The following PROSER1 variants were observed in gnomAD, a reference collection of about 807,000 sequenced individuals.
PROSER1 encodes proline and serine rich 1, also known as proline and serine-rich protein 1.
Under a neutral mutation model 71.8 loss-of-function variants are expected in PROSER1, and 36 were observed. The observed-to-expected ratio is 0.50, with a 90% CI of 0.38 to 0.66. The LOEUF (loss-of-function observed/expected upper bound fraction) is 0.66, where lower values mean the gene tolerates loss of function less well. PROSER1 is among the 30% of genes least tolerant of loss of function. The pLI, the probability that PROSER1 is intolerant of heterozygous loss-of-function variation, is 0.00. For missense variants in PROSER1, 1,107 were observed against 1,135.0 expected (o/e 0.98, Z 0.35); for synonymous variants, 490 against 452.4 (o/e 1.08, Z -1.06).
At chr13:39,035,192 G>A (rs1395322935) in intron 1 of PROSER1, among the ~76,000 whole-genome samples, 1 of 152,146 alleles carries the variant, frequency 6.6e-6, no homozygotes, top group East Asian at 1.9e-4. Context: ...GGAGAAAATG[G>A]CATTCTAAAT....
chr13:39,029,129 T>C (rs1414232456), intron 4 of PROSER1, 152 bp downstream of exon 4: 5 of 526,574 alleles, frequency 9.5e-6, no homozygotes, highest in Non-Finnish European at 1.6e-5. Flanking sequence ...ATAAGTACAC[T>C]AGATACTTAT....
Position 39,014,278 on chromosome 13 carries a change from T to C in PROSER1, c.974A>G (p.His325Arg), listed in dbSNP as rs1298850519. The C allele has an allele frequency of 6.8e-6, 11 of 1,613,970 alleles. No homozygotes were observed. The East Asian group carries it at 2.5e-4, about 36-fold the overall frequency. Residue 325 changes from histidine to arginine, a missense_variant, in exon 11 of 13, where the codon CAC (histidine) becomes CGC (arginine). Physicochemically the swap from His to Arg is conservative, Grantham distance 29 (BLOSUM62 0). Transcript: ENST00000352251. Reference sequence around the variant, plus strand: ...GTTTGGTATTGATGGCTGAGGTGTGTGAACGGCTGAGGAGACCTGCCCTGG... The same window carrying C: ...GTTTGGTATTGATGGCTGAGGTGTGCGAACGGCTGAGGAGACCTGCCCTGG... ...VFPGQVSSAV[H>R]TPQPSIPNPT...
intron 1 of PROSER1, among the ~76,000 whole-genome samples, chr13:39,036,573 G>A (rs971850422): frequency 1.3e-5 from 2 of 152,152 alleles, no homozygotes; most frequent in Admixed American, 6.5e-5. Context: ...TTCCAGAATT[G>A]TTGCTGTCTG....
intron 6 of PROSER1, 94 bp downstream of exon 6, chr13:39,026,183 C>A (rs1342195461): frequency 9.3e-6 from 7 of 754,544 alleles, no homozygotes; most frequent in Non-Finnish European, 1.5e-5. Context: ...AAGTTACCGA[C>A]ATAAAATTCC....
chr13:39,017,479 T>C lies in PROSER1; in HGVS notation c.775+21A>G. On this transcript the variant is annotated intron_variant, in intron 10 of 12. Coordinates refer to ENST00000352251, the MANE Select transcript of PROSER1 (RefSeq NM_025138.5). Reference sequence around the variant, plus strand: ...AACCATGACAGATATCCGTTATCTCTGGATCAAATTTGCTACTTACTTTGA... The same window carrying C: ...AACCATGACAGATATCCGTTATCTCCGGATCAAATTTGCTACTTACTTTGA... 2 of 1,468,934 alleles carry C rather than the reference T, an allele frequency of 1.4e-6. 1 individual carries two copies. The highest frequency in any genetic ancestry group is 2.4e-5 in the South Asian group (2 of 84,164). 91.0% of individuals were successfully genotyped at this position (1,468,934 alleles called of 1,614,324 possible).
At chr13:39,016,342 T>C (rs1172757295) in intron 10 of PROSER1, among the ~76,000 whole-genome samples, 1 of 152,196 alleles carries the variant, frequency 6.6e-6, no homozygotes, top group Non-Finnish European at 1.5e-5. Flanking sequence ...ATGGGCAATC[T>C]GAGGCTTGCT....
rs1566021875 is a variant in PROSER1, at chr13:39,013,619, CG to C, written c.1632del (p.Val545TrpfsTer9). The part of the protein sequence containing the change: ...GLALFPGLPS[P>X]VANSTSTPLT... ...AGGGGAGTGGAAGTTGAGTTAGCCA[CG>C]GGAGACGGCAGGCCTGGGAACAGGG... On this transcript the variant is annotated frameshift_variant, in exon 11 of 13. Coordinates refer to ENST00000352251, the MANE Select transcript of PROSER1 (RefSeq NM_025138.5). LOFTEE classifies it high-confidence loss of function. 2 of 1,614,078 alleles carry C rather than the reference CG, an allele frequency of 1.2e-6. No homozygotes were observed. Among genetic ancestry groups the C allele is most frequent in the Non-Finnish European group, 1.7e-6 (2 of 1,180,016 alleles).
rs150869751 is a variant in PROSER1, at chr13:39,015,566, T to C, written c.776-1090A>G. 3.0e-4 allele frequency among the ~76,000 whole-genome samples: 45 copies of C among 152,242 alleles called. No homozygotes were observed. In the East Asian group the frequency reaches 8.5e-3, roughly 29 times the overall value. On this transcript the variant is annotated intron_variant, in intron 10 of 12. Coordinates refer to ENST00000352251, the MANE Select transcript of PROSER1 (RefSeq NM_025138.5). Reference sequence around the variant, plus strand: ...GCTGACACGGTCAACGAATACACTATGCTACTCATAGATGGGAAGGGACAA... The same window carrying C: ...GCTGACACGGTCAACGAATACACTACGCTACTCATAGATGGGAAGGGACAA...
rs187026587 is a variant in PROSER1 at position 39,037,395 on chromosome 13, G to A, written c.-153C>T. The A allele has an allele frequency of 3.5e-4, 212 of 606,124 alleles. No individual in the cohort carries two copies. In the African/African-American group the frequency reaches 3.7e-3, roughly 11 times the overall value. 37.5% of individuals were successfully genotyped at this position (606,124 alleles called of 1,614,324 possible). A position where few individuals can be genotyped will look rare whatever the true frequency, so the allele number is the denominator to read the frequency against. ...AGGATGCGAAGAGGTAGAGAGTATT[G>A]CAAACTTCGCAAAAAAAATTTCTAA... On this transcript the variant is annotated 5_prime_UTR_variant, in exon 1 of 13. Transcript: ENST00000352251.
intron 9 of PROSER1, among the ~76,000 whole-genome samples, chr13:39,021,243 A>G (rs1870274758): frequency 6.6e-6 from 1 of 152,150 alleles, no homozygotes; most frequent in Non-Finnish European, 1.5e-5. Flanking sequence ...GCCTTTGTGC[A>G]GAGTATTCTT....
At chr13:39,017,670 A>G in intron 9 of PROSER1, 126 bp from the exon 10 acceptor site, 1 of 593,002 alleles carries the variant, frequency 1.7e-6, no homozygotes, top group South Asian at 2.1e-5. Context: ...TAGGAAAAAA[A>G]TGTACACATA....
intron 5 of PROSER1, among the ~76,000 whole-genome samples, chr13:39,027,610 A>C (rs915653749): frequency 2.6e-5 from 4 of 152,228 alleles, no homozygotes; most frequent in African/African-American, 9.6e-5. Flanking sequence ...TGTATGACTA[A>C]GGTGAATTTG....
intron 3 of PROSER1, among the ~76,000 whole-genome samples, chr13:39,029,735 T>C (rs1258519554): frequency 6.6e-6 from 1 of 152,106 alleles, no homozygotes; most frequent in Non-Finnish European, 1.5e-5. Context: ...GTTCAAAGGT[T>C]AGAAAAACAT....
intron 10 of PROSER1, 36 bp downstream of exon 10, chr13:39,017,464 G>A: frequency 3.7e-6 from 5 of 1,333,514 alleles, no homozygotes; most frequent in Non-Finnish European, 5.3e-6. Flanking sequence ...AACCATGACA[G>A]ATATCCGTTA....
At chr13:39,030,282 T>C (rs1870774781) in intron 3 of PROSER1, among the ~76,000 whole-genome samples, 1 of 152,240 alleles carries the variant, frequency 6.6e-6, no homozygotes, top group South Asian at 2.1e-4. Flanking sequence ...AGCTCATTTA[T>C]GGAAATATTT....
intron 10 of PROSER1, among the ~76,000 whole-genome samples, chr13:39,014,986 C>A (rs1288662014): frequency 6.6e-6 from 1 of 152,114 alleles, no homozygotes; most frequent in Non-Finnish European, 1.5e-5. Flanking sequence ...GATTGTTCAT[C>A]TGTACAGTTG....
Position 39,013,874 on chromosome 13 carries a change from C to A in PROSER1, c.1378G>T (p.Gly460Cys). 1 of 1,614,116 alleles carries A rather than the reference C, an allele frequency of 6.2e-7. No individual in the cohort carries two copies. The highest frequency in any genetic ancestry group is 1.1e-5 in the South Asian group (1 of 91,078). Residue 460 changes from glycine (G) to cysteine (C), a missense_variant, in exon 11 of 13, where the codon GGT becomes TGT. Physicochemically the swap from Gly to Cys is radical, Grantham distance 159 (BLOSUM62 -3). Coordinates refer to ENST00000352251, the MANE Select transcript of PROSER1 (RefSeq NM_025138.5). ...AGAGGACTGTTCACACCAAGTGGAC[C>A]GGCAACGCTGGGAGTAGAGCCACCA... ...IAGGSTPSVA[G>C]PLGVNSPLLS...
Position 39,013,468 on chromosome 13 carries a change from G to A in PROSER1, c.1784C>T (p.Ser595Leu), listed in dbSNP as rs753324795. Residue 595 changes from serine (S) to leucine (L), a missense_variant, in exon 11 of 13, where the codon TCA becomes TTA. By Grantham distance (145) the Ser-to-Leu change is moderately radical (BLOSUM62 -2). Transcript: ENST00000352251. ...PHPGTSDLHI[S>L]STPAATTLPV... The stretch of plus-strand genomic sequence containing the variant: ...AAGAGTTGTTGCAGCAGGGGTAGAT[G>A]AAATATGCAGATCTGAGGTACCTGG... 1 of 1,614,082 alleles carries A rather than the reference G, an allele frequency of 6.2e-7. No individual in the cohort carries two copies. The highest frequency in any genetic ancestry group is 1.3e-5 in the African/African-American group (1 of 75,020).
At chr13:39,034,828 A>G (rs1473123687) in intron 1 of PROSER1, among the ~76,000 whole-genome samples, 1 of 152,240 alleles carries the variant, frequency 6.6e-6, no homozygotes, top group African/African-American at 2.4e-5. Context: ...TATGAAGACT[A>G]TAATAGTGGA....
Sources: gnomAD v4.1 joint callset for allele counts (sites outside exome capture counted in the v4.1 genomes callset) on GRCh38, gnomAD v4.1.1 for gene constraint, MANE v1.5 for transcripts, NCBI Gene and HGNC (gene_info 2026-07-23, HGNC 2026-07-21) for gene names.